Variants in PDXDC1 observed in about 807,000 individuals in gnomAD.
PDXDC1 encodes the protein pyridoxal dependent decarboxylase domain containing 1.
A neutral mutation model predicts 100.1 loss-of-function variants in PDXDC1; 42 were observed. The ratio of observed to expected loss-of-function variants is 0.42; its 90% CI spans 0.33 to 0.54. The LOEUF (loss-of-function observed/expected upper bound fraction) is 0.54, where lower values mean the gene tolerates loss of function less well. Among genes scored for constraint, PDXDC1 ranks in the 20% least tolerant of loss-of-function variants. The pLI, the probability that PDXDC1 is intolerant of heterozygous loss-of-function variation, is 0.10. For synonymous variants in PDXDC1, 260 were observed against 371.7 expected (o/e 0.70, Z 3.46); for missense variants, 636 against 979.2 (o/e 0.65, Z 4.68).
Position 15,033,475 on chromosome 16 carries a change from G to C in PDXDC1, c.1812+76G>C. 2.7e-6 allele frequency: 4 copies of C among 1,503,776 alleles called. No individual in the cohort carries two copies. In the South Asian group the frequency reaches 3.4e-5, roughly 13 times the overall value. 93.2% of individuals were successfully genotyped at this position (1,503,776 alleles called of 1,614,324 possible). On this transcript the variant is annotated intron_variant, in intron 19 of 22. Coordinates refer to ENST00000396410, the MANE Select transcript of PDXDC1 (RefSeq NM_015027.4). ...AACAGCAGGGGCCACGAGGAAAGCA[G>C]CTGCCCTTGGGATGTCTGTTCGTTG...
chr16:14,987,448 G>GCCTCTACA (rs1969636735), intron 1 of PDXDC1, among the ~76,000 whole-genome samples: 5 of 152,400 alleles, frequency 3.3e-5, no homozygotes, highest in African/African-American at 4.8e-5. Flanking sequence ...TTAATTATTA[G>GCCTCTACA]CACAATGCCT....
rs568849732 is a variant in PDXDC1, at chr16:15,004,037, C to T, written c.243-150C>T. On this transcript the variant is annotated intron_variant, in intron 4 of 22. Coordinates refer to ENST00000396410, the MANE Select transcript of PDXDC1 (RefSeq NM_015027.4). ...TCTCAAAAAATAGAAAAAATTCTCACCAAACTATCACTACTGTTTATGCAT... is the reference window on the plus strand; with the variant it reads ...TCTCAAAAAATAGAAAAAATTCTCATCAAACTATCACTACTGTTTATGCAT... 1.1e-5 allele frequency: 9 copies of T among 797,650 alleles called. No individual in the cohort carries two copies. In the East Asian group the frequency reaches 2.5e-4, roughly 22 times the overall value. The allele number at this position is 797,650 out of a possible 1,614,324, so 49.4% of individuals were successfully genotyped here. A position where few individuals can be genotyped will look rare whatever the true frequency, so the allele number is the denominator to read the frequency against.
At chr16:15,034,088 C>T in intron 19 of PDXDC1, 198 bp from the exon 20 acceptor site, 1 of 594,802 alleles carries the variant, frequency 1.7e-6, no homozygotes, top group Admixed American at 2.9e-5. Flanking sequence ...TGAGGCTGGT[C>T]ACCAAGGTGT....
chr16:15,140,070 C>G (rs993722906), downstream of PDXDC1, among the ~76,000 whole-genome samples: 8 of 103,188 alleles, frequency 7.8e-5, no homozygotes, highest in African/African-American at 3.0e-4. Flanking sequence ...GCAATCCAGC[C>G]TGGTGACATA....
At chr16:14,978,910 C>G (rs1030457610) in intron 1 of PDXDC1, among the ~76,000 whole-genome samples, 2 of 152,296 alleles carry the variant, frequency 1.3e-5, no homozygotes, top group African/African-American at 4.8e-5. Flanking sequence ...CTGGCCTGTG[C>G]ATGGCAGCAT....
intron 16 of PDXDC1, among the ~76,000 whole-genome samples, chr16:15,075,142 C>T (rs1283793549): frequency 6.7e-6 from 1 of 149,876 alleles, no homozygotes; most frequent in Non-Finnish European, 1.5e-5. Context: ...TCCAGTTACT[C>T]AGGAGGCAGA....
intron 1 of PDXDC1, chr16:14,976,884 T>C (rs1432581749): frequency 6.6e-6 from 1 of 152,338 alleles, no homozygotes; most frequent in Admixed American, 6.5e-5. Flanking sequence ...TGCAAAGTGG[T>C]GTTATCAATT....
At chr16:15,016,620 G>T (rs1181833508) in intron 9 of PDXDC1, among the ~76,000 whole-genome samples, 1 of 152,296 alleles carries the variant, frequency 6.6e-6, no homozygotes, top group Non-Finnish European at 1.5e-5. Context: ...TGTGGCCAGG[G>T]AGAAGTAATC....
At chr16:15,044,459 C>T (rs370640726) in intron 16 of PDXDC1, 17 of 1,160,664 alleles carry the variant, frequency 1.5e-5, no homozygotes, top group Admixed American at 6.8e-5. Flanking sequence ...CCGGTGCGTG[C>T]GCTGGTCTCA....
the PDXDC1 span, among the ~76,000 whole-genome samples, chr16:15,145,710 C>G: frequency 1.3e-5 from 2 of 152,266 alleles, no homozygotes; most frequent in South Asian, 4.1e-4. Context: ...GCGAGGTGTT[C>G]TGGGAAAGGG....
chr16:14,981,689 T>C (rs1189283733), intron 1 of PDXDC1, among the ~76,000 whole-genome samples: 2 of 152,294 alleles, frequency 1.3e-5, no homozygotes, highest in East Asian at 3.8e-4. Context: ...GTTGGATCTC[T>C]AGCATCTCCA....
intron 16 of PDXDC1, chr16:15,130,668 T>G (rs1335697411): frequency 7.1e-7 from 1 of 1,408,616 alleles, no homozygotes; most frequent in East Asian, 2.4e-5. Context: ...GGGCCGGTGG[T>G]CGGCACCCTG....
At chr16:15,109,827 C>T (rs1257806300) in intron 16 of PDXDC1, among the ~76,000 whole-genome samples, 22 of 134,848 alleles carry the variant, frequency 1.6e-4, no homozygotes, top group Admixed American at 9.2e-4. Context: ...CCAGCCTGGG[C>T]GACAGAGCGA....
intron 16 of PDXDC1, among the ~76,000 whole-genome samples, chr16:15,096,059 C>T (rs918658611): frequency 6.6e-6 from 1 of 151,946 alleles, no homozygotes; most frequent in Non-Finnish European, 1.5e-5. Context: ...GCCTGGACAA[C>T]ACAGCAAGAC....
At chr16:15,149,295 T>C in the PDXDC1 span, among the ~76,000 whole-genome samples, 1 of 152,200 alleles carries the variant, frequency 6.6e-6, no homozygotes, top group Non-Finnish European at 1.5e-5. Flanking sequence ...ATCTCTGTCC[T>C]TGGAGAATCA....
At chr16:15,063,704 C>CAAAA (rs10664930) in intron 16 of PDXDC1, among the ~76,000 whole-genome samples, 3 of 89,098 alleles carry the variant, frequency 3.4e-5, no homozygotes, top group East Asian at 3.4e-4. Context: ...GACTCTGTCT[C>CAAAA]AAAAAAAAAA....
At chr16:15,058,407 A>AAT (rs1167329590) in intron 16 of PDXDC1, among the ~76,000 whole-genome samples, 5 of 152,342 alleles carry the variant, frequency 3.3e-5, no homozygotes, top group African/African-American at 1.2e-4. Flanking sequence ...TTCAAAGAAT[A>AAT]TATACAGGGA....
chr16:15,000,568 C>T (rs890307286), intron 3 of PDXDC1, among the ~76,000 whole-genome samples: 2 of 152,284 alleles, frequency 1.3e-5, no homozygotes, highest in East Asian at 1.9e-4. Context: ...CATTAACAGA[C>T]GAATAGCCCT....
chr16:15,135,730 C>A (rs1427392617), intron 16 of PDXDC1: 12 of 1,596,880 alleles, frequency 7.5e-6, no homozygotes, highest in Non-Finnish European at 1.0e-5. Flanking sequence ...AGGACTCGCT[C>A]CCATCCAGCA....
Sources: gnomAD v4.1 joint callset for allele counts (sites outside exome capture counted in the v4.1 genomes callset) on GRCh38, gnomAD v4.1.1 for gene constraint, MANE v1.5 for transcripts, NCBI Gene and HGNC (gene_info 2026-07-23, HGNC 2026-07-21) for gene names.